MAST4: variants seen among roughly 807,000 people sequenced by gnomAD.
MAST4 encodes microtubule associated serine/threonine kinase family member 4, also known as microtubule-associated serine/threonine-protein kinase 4.
MAST4 carries 89 observed loss-of-function variants against 162.7 expected under a neutral mutation model. The ratio of observed to expected loss-of-function variants is 0.55; its 90% CI spans 0.46 to 0.65. MAST4 has a LOEUF of 0.65. Ranked by LOEUF, MAST4 falls within the 30% of genes least tolerant of loss-of-function variation. MAST4 has a pLI of 0.00. For missense variants in MAST4, 3,153 were observed against 3,374.0 expected, an observed-to-expected ratio of 0.93 and a Z score of 1.62; for synonymous variants, 1,479 against 1,361.1, an observed-to-expected ratio of 1.09 and a Z score of -1.91.
chr5:66,908,048 G>A (rs774680318), intron 4 of MAST4, among the ~76,000 whole-genome samples: 5 of 152,136 alleles, frequency 3.3e-5, no homozygotes, highest in African/African-American at 4.8e-5. Flanking sequence ...GAAAAAAATC[G>A]AGTGTCGCAT....
At chr5:66,818,083 GT>G (rs1256953131) in intron 3 of MAST4, among the ~76,000 whole-genome samples, 1 of 152,122 alleles carries the variant, frequency 6.6e-6, no homozygotes, top group African/African-American at 2.4e-5. Context: ...TTTAATAGTA[GT>G]TTCCAGGTCC....
chr5:66,874,350 T>C (rs1351680719), intron 3 of MAST4, among the ~76,000 whole-genome samples: 1 of 152,102 alleles, frequency 6.6e-6, no homozygotes, highest in Non-Finnish European at 1.5e-5. Flanking sequence ...ATCAGGGACA[T>C]GATCTGGTGG....
chr5:66,798,298 A>T, intron 3 of MAST4, among the ~76,000 whole-genome samples: 1 of 152,318 alleles, frequency 6.6e-6, no homozygotes, highest in East Asian at 1.9e-4. Flanking sequence ...TTCAGGGTAC[A>T]TCAGCTTCCA....
At chr5:66,922,555 C>G (rs1764609201) in intron 4 of MAST4, among the ~76,000 whole-genome samples, 2 of 152,092 alleles carry the variant, frequency 1.3e-5, no homozygotes, top group African/African-American at 4.8e-5. Flanking sequence ...GCTGTCATTT[C>G]TGCTAAAAAT....
At chr5:67,036,051 A>T (rs944831700) in intron 4 of MAST4, among the ~76,000 whole-genome samples, 21 of 152,140 alleles carry the variant, frequency 1.4e-4, no homozygotes, top group African/African-American at 5.1e-4. Context: ...GCTTCCCAAC[A>T]TCCATTCCCT....
At chr5:66,749,792 TAGTA>T in intron 1 of MAST4, among the ~76,000 whole-genome samples, 1 of 152,224 alleles carries the variant, frequency 6.6e-6, no homozygotes, top group Admixed American at 6.5e-5. Flanking sequence ...TTAATTAGGA[TAGTA>T]AGTGTCAGCT....
intron 1 of MAST4, among the ~76,000 whole-genome samples, chr5:66,710,750 C>T (rs1008571747): frequency 1.2e-4 from 18 of 152,152 alleles, no homozygotes; most frequent in South Asian, 2.1e-4. Flanking sequence ...TGTGTGAGAA[C>T]GGCCAAGCTC....
intron 4 of MAST4, among the ~76,000 whole-genome samples, chr5:66,976,265 G>C (rs377712840): frequency 1.3e-5 from 2 of 152,368 alleles, no homozygotes; most frequent in East Asian, 3.9e-4. Context: ...AACGCACTCA[G>C]ATAGGCTCAC....
chr5:66,920,627 A>C (rs152408), intron 4 of MAST4, among the ~76,000 whole-genome samples: 55,595 of 151,892 alleles, frequency 0.37, 10,907 homozygotes, highest in Non-Finnish European at 0.45. Context: ...AGTAGCTGGG[A>C]TTACAGGCAT....
intron 4 of MAST4, among the ~76,000 whole-genome samples, chr5:66,965,019 A>G (rs190937531): frequency 6.6e-6 from 1 of 152,322 alleles, no homozygotes; most frequent in Non-Finnish European, 1.5e-5. Context: ...TTCTAAAGTA[A>G]GGCCGAACTG....
intron 4 of MAST4, among the ~76,000 whole-genome samples, chr5:66,994,840 A>C (rs1485951699): frequency 6.6e-6 from 1 of 152,220 alleles, no homozygotes; most frequent in Non-Finnish European, 1.5e-5. Flanking sequence ...ATTCATGTCT[A>C]GATAATGTTA....
chr5:66,926,811 A>C (rs1170676865), intron 4 of MAST4, among the ~76,000 whole-genome samples: 2 of 152,256 alleles, frequency 1.3e-5, no homozygotes, highest in African/African-American at 2.4e-5. Context: ...GTGGCCGAGG[A>C]GCACCATCAT....
rs1265331148 is a variant in MAST4 at position 66,596,529 on chromosome 5, G to C, written c.-127G>C. 2 of 1,150,018 alleles carry C rather than the reference G, an allele frequency of 1.7e-6. No individual in the cohort carries two copies. The highest frequency in any genetic ancestry group is 2.2e-6 in the Non-Finnish European group (2 of 901,060). The allele number at this position is 1,150,018 out of a possible 1,614,324, so 71.2% of individuals were successfully genotyped here. A position where few individuals can be genotyped will look rare whatever the true frequency, so the allele number is the denominator to read the frequency against. ...GTCACTGCCATGTAGTCGCTGGCGG[G>C]GCTCCCTGCAGCCCGGGAGCGGCAG... On this transcript the variant is annotated 5_prime_UTR_variant, in exon 1 of 29. Coordinates refer to ENST00000403625, the MANE Select transcript of MAST4 (RefSeq NM_001164664.2).
At chr5:67,032,300 G>A (rs1192407709) in intron 4 of MAST4, among the ~76,000 whole-genome samples, 1 of 152,146 alleles carries the variant, frequency 6.6e-6, no homozygotes, top group African/African-American at 2.4e-5. Flanking sequence ...AATTTGAGAA[G>A]GGGGAGATTT....
intron 18 of MAST4, 149 bp from the exon 19 acceptor site, chr5:67,136,414 A>G (rs1456275595): frequency 5.1e-6 from 3 of 586,872 alleles, no homozygotes. Context: ...TCGACTGAAG[A>G]TCTTGTTGAA....
chr5:67,049,020 T>TATGTGTATATATATAC (rs1561576121), intron 4 of MAST4, among the ~76,000 whole-genome samples: 22 of 102,854 alleles, frequency 2.1e-4, no homozygotes, highest in South Asian at 5.9e-4. Context: ...TATATATATA[T>TATGTGTATATATATAC]ACGTATATAT....
In MAST4 at chr5:66,837,884, ATATATATATAT is replaced by A. The variant is rs1455008902; in HGVS notation, c.642+49092_642+49102del. 4.3e-3 allele frequency among the ~76,000 whole-genome samples: 335 copies of A among 77,406 alleles called. 3 individuals carry two copies. Among genetic ancestry groups the A allele is most frequent in the African/African-American group, 0.016 (274 of 17,236 alleles). The allele number at this position is 77,406 out of a possible 152,430, so 50.8% of individuals were successfully genotyped here. On this transcript the variant is annotated intron_variant, in intron 3 of 28. Transcript: ENST00000403625. Reference sequence around the variant, plus strand: ...TGATTTTATATATATATATATATATATATATATATATTTTTTTTTTTTTTTTTTTTTTTAAT... The same window carrying A: ...TGATTTTATATATATATATATATATATTTTTTTTTTTTTTTTTTTTTTAAT...
intron 3 of MAST4, among the ~76,000 whole-genome samples, chr5:66,874,554 T>C (rs1761163090): frequency 1.3e-5 from 2 of 152,224 alleles, no homozygotes; most frequent in African/African-American, 4.8e-5. Context: ...GCATAGCATC[T>C]GATCAATTTC....
intron 1 of MAST4, among the ~76,000 whole-genome samples, chr5:66,636,954 C>G (rs1745161348): frequency 6.6e-6 from 1 of 152,146 alleles, no homozygotes; most frequent in African/African-American, 2.4e-5. Context: ...TTGTTAAAGT[C>G]TCAGAAACTT....
Sources: allele counts gnomAD v4.1 joint callset (sites outside exome capture counted in the v4.1 genomes callset), GRCh38; gene constraint gnomAD v4.1.1; transcripts MANE v1.5; gene names NCBI Gene and HGNC (gene_info 2026-07-23, HGNC 2026-07-21).